LRBA: variants seen among roughly 807,000 people sequenced by gnomAD.
LRBA encodes the protein lipopolysaccharide-responsive and beige-like anchor protein.
LRBA carries 176 observed loss-of-function variants against 330.0 expected under a neutral mutation model. The ratio of observed to expected loss-of-function variants is 0.53; its 90% CI spans 0.47 to 0.60. The LOEUF (loss-of-function observed/expected upper bound fraction) is 0.60, where lower values mean the gene tolerates loss of function less well. LRBA is among the 20% of genes least tolerant of loss of function. The pLI is 0.00. For missense variants in LRBA, 3,259 were observed against 3,444.8 expected (o/e 0.95, Z 1.35); for synonymous variants, 1,230 against 1,193.0 (o/e 1.03, Z -0.64).
At chr4:150,769,060 C>T (rs1298660703) in intron 34 of LRBA, among the ~76,000 whole-genome samples, 1 of 150,298 alleles carries the variant, frequency 6.7e-6, no homozygotes, top group Non-Finnish European at 1.5e-5. Context: ...CGTCAGCTTT[C>T]CGAGTAGCTA....
At chr4:150,995,200 T>C (rs1268820565) in intron 2 of LRBA, among the ~76,000 whole-genome samples, 1 of 151,868 alleles carries the variant, frequency 6.6e-6, no homozygotes, top group East Asian at 1.9e-4. Flanking sequence ...AAAAATTCAG[T>C]TTCGAGAGAT....
At chr4:150,910,176 T>C (rs949474351) in intron 9 of LRBA, among the ~76,000 whole-genome samples, 13 of 152,196 alleles carry the variant, frequency 8.5e-5, no homozygotes, top group Admixed American at 5.2e-4. Context: ...CTTATTTGTC[T>C]GTTTTGGCTT....
chr4:150,851,779 A>G, intron 23 of LRBA, 106 bp downstream of exon 23: 1 of 1,181,552 alleles, frequency 8.5e-7, no homozygotes, highest in Non-Finnish European at 1.1e-6. Context: ...TTTAGTTGTG[A>G]ATAGCATGTG....
chr4:150,735,389 A>G, intron 35 of LRBA, 23 bp from the exon 36 acceptor site: 1 of 1,418,566 alleles, frequency 7.0e-7, no homozygotes, highest in Non-Finnish European at 1.0e-6. Flanking sequence ...AATGTTATCA[A>G]ATAAATATAT....
chr4:150,507,204 C>A (rs78703165), intron 40 of LRBA, among the ~76,000 whole-genome samples: 67,378 of 149,518 alleles, frequency 0.45, 15,217 homozygotes, highest in Non-Finnish European at 0.5. Flanking sequence ...CAATGACTTT[C>A]TTCACAGAAT....
chr4:150,391,031 T>G (rs1286590914), intron 47 of LRBA, among the ~76,000 whole-genome samples: 2 of 152,126 alleles, frequency 1.3e-5, no homozygotes, highest in African/African-American at 4.8e-5. Flanking sequence ...CTTCCCAAAC[T>G]CCCATATGGC....
At chr4:150,466,776 T>C (rs1157095138) in intron 44 of LRBA, among the ~76,000 whole-genome samples, 2 of 152,076 alleles carry the variant, frequency 1.3e-5, no homozygotes, top group African/African-American at 4.8e-5. Flanking sequence ...TACTCAGACA[T>C]TAAAGGAAAT....
chr4:150,924,473 C>T (rs113617149), intron 4 of LRBA, among the ~76,000 whole-genome samples: 4,639 of 152,102 alleles, frequency 0.03, 189 homozygotes, highest in African/African-American at 0.1. Flanking sequence ...GATAGCACCA[C>T]TGTACTCCAA....
intron 22 of LRBA, among the ~76,000 whole-genome samples, chr4:150,866,174 A>G (rs1417052947): frequency 6.6e-6 from 1 of 152,260 alleles, no homozygotes; most frequent in Non-Finnish European, 1.5e-5. Context: ...ATAATTATAC[A>G]GTATTCCTTC....
At position 150,961,274 on chromosome 4, in the gene LRBA, G is replaced by A. The variant is rs1234955012; in HGVS notation, c.217-32209C>T. On this transcript the variant is annotated intron_variant, in intron 2 of 56. Transcript: ENST00000651943. ...CATTCTTGAATCACTGAATCTATGT[G>A]AAATAATTAAACAAAAGAGAATGTC... 1.3e-5 allele frequency among the ~76,000 whole-genome samples: 2 copies of A among 149,174 alleles called. 1 individual carries two copies. The highest frequency in any genetic ancestry group is 5.2e-5 in the African/African-American group (2 of 38,630).
intron 47 of LRBA, among the ~76,000 whole-genome samples, chr4:150,415,139 A>G (rs1046994979): frequency 1.3e-5 from 2 of 152,250 alleles, no homozygotes; most frequent in African/African-American, 4.8e-5. Flanking sequence ...AGAGAAGCTC[A>G]TATTTGGAAA....
chr4:150,988,658 A>G (rs1410267350), intron 2 of LRBA, among the ~76,000 whole-genome samples: 1 of 151,926 alleles, frequency 6.6e-6, no homozygotes, highest in Non-Finnish European at 1.5e-5. Flanking sequence ...GGCTCACTGC[A>G]ACCTCTGTCT....
intron 17 of LRBA, among the ~76,000 whole-genome samples, chr4:150,883,204 T>TA (rs1728593802): frequency 6.6e-6 from 1 of 152,190 alleles, no homozygotes; most frequent in Non-Finnish European, 1.5e-5. Flanking sequence ...CTCACGCATG[T>TA]AATCCCAGCA....
intron 44 of LRBA, among the ~76,000 whole-genome samples, chr4:150,442,596 G>A (rs955110987): frequency 6.6e-6 from 1 of 152,128 alleles, no homozygotes; most frequent in Non-Finnish European, 1.5e-5. Context: ...ACTGAAGAAG[G>A]TGCATGCAAT....
At chr4:150,881,279 C>T (rs946639016) in intron 17 of LRBA, among the ~76,000 whole-genome samples, 1 of 152,236 alleles carries the variant, frequency 6.6e-6, no homozygotes, top group African/African-American at 2.4e-5. Flanking sequence ...TTTCTATCAA[C>T]GGTAGATTGG....
intron 31 of LRBA, among the ~76,000 whole-genome samples, chr4:150,810,850 C>T (rs1290760442): frequency 6.6e-6 from 1 of 152,186 alleles, no homozygotes; most frequent in African/African-American, 2.4e-5. Context: ...AATCCTTTGG[C>T]CTTGGCCTCC....
At chr4:150,389,111 A>AC (rs1743507927) in intron 47 of LRBA, among the ~76,000 whole-genome samples, 1 of 152,220 alleles carries the variant, frequency 6.6e-6, no homozygotes, top group East Asian at 1.9e-4. Flanking sequence ...GGATCTTTGT[A>AC]AAAGATCCAA....
At chr4:150,729,324 A>G (rs1225749325) in intron 36 of LRBA, among the ~76,000 whole-genome samples, 1 of 152,198 alleles carries the variant, frequency 6.6e-6, no homozygotes, top group Non-Finnish European at 1.5e-5. Context: ...GCAATCAATC[A>G]ATATCAGTAG....
At chr4:150,426,844 G>A (rs1749692937) in intron 46 of LRBA, among the ~76,000 whole-genome samples, 1 of 151,486 alleles carries the variant, frequency 6.6e-6, no homozygotes, top group African/African-American at 2.4e-5. Flanking sequence ...ATGACAGTAG[G>A]GTTTAACATG....
Sources: gnomAD v4.1 joint callset for allele counts (sites outside exome capture counted in the v4.1 genomes callset) on GRCh38, gnomAD v4.1.1 for gene constraint, MANE v1.5 for transcripts, NCBI Gene and HGNC (gene_info 2026-07-23, HGNC 2026-07-21) for gene names.